The following ITPRID1 variants were observed in gnomAD, a reference collection of about 807,000 sequenced individuals.
ITPRID1 encodes the protein ITPR interacting domain containing 1.
In ITPRID1, 96 loss-of-function variants were observed where a neutral mutation model predicts 95.4. The ratio of observed to expected loss-of-function variants is 1.01; its 90% CI spans 0.85 to 1.19. The LOEUF is 1.19. ITPRID1 is among the 50% of genes most tolerant of loss of function. The probability of loss-of-function intolerance (pLI) is 0.00; values close to 1 mark genes in which losing one functional copy is unlikely to be tolerated. For missense variants in ITPRID1, 1,339 were observed against 1,252.9 expected (o/e 1.07, Z -1.04); for synonymous variants, 510 against 453.6 (o/e 1.12, Z -1.58).
chr7:31,590,362 G>C (rs1275658482), intron 10 of ITPRID1, among the ~76,000 whole-genome samples: 1 of 152,114 alleles, frequency 6.6e-6, no homozygotes, highest in Non-Finnish European at 1.5e-5. Flanking sequence ...AGTGGGAAAA[G>C]AAAAAGAAAT....
rs10258907 is a variant in ITPRID1 at position 31,612,872 on chromosome 7, T to A, written c.1229-29304T>A. On this transcript the variant is annotated intron_variant, in intron 10 of 14. Coordinates refer to ENST00000615280, the MANE Select transcript of ITPRID1 (RefSeq NM_001257967.3). ...GTAGATCCACACGAATATGTCAGAG[T>A]TTTTCAAAGTCCACTATTAGCCAAG... Among the ~76,000 whole-genome samples the A allele has an allele frequency of 8.3e-3, 1,263 of 151,868 alleles. 14 individuals are homozygous for A. The highest frequency in any genetic ancestry group is 0.021 in the African/African-American group (881 of 41,414).
At chr7:31,567,941 C>T (rs960789678) in intron 5 of ITPRID1, among the ~76,000 whole-genome samples, 1 of 152,086 alleles carries the variant, frequency 6.6e-6, no homozygotes, top group African/African-American at 2.4e-5. Flanking sequence ...GCCTGGCTAA[C>T]ATGGTGAAAC....
At chr7:31,627,423 C>T (rs569164154) in intron 10 of ITPRID1, among the ~76,000 whole-genome samples, 28 of 152,120 alleles carry the variant, frequency 1.8e-4, no homozygotes, top group Admixed American at 1.6e-3. Flanking sequence ...TTTGGGAGGT[C>T]AAGGCAGGAG....
intron 1 of ITPRID1, among the ~76,000 whole-genome samples, chr7:31,532,619 C>T (rs570492687): frequency 2.0e-5 from 3 of 152,244 alleles, no homozygotes; most frequent in South Asian, 4.1e-4. Flanking sequence ...TGGTTTTTCT[C>T]CTTTATTCTG....
intron 2 of ITPRID1, among the ~76,000 whole-genome samples, 197 bp downstream of exon 2, chr7:31,549,696 A>G (rs956452929): frequency 6.6e-6 from 1 of 152,162 alleles, no homozygotes; most frequent in Non-Finnish European, 1.5e-5. Flanking sequence ...TAACCAGACA[A>G]GAACTAAGAA....
At chr7:31,611,118 T>A (rs1023798305) in intron 10 of ITPRID1, among the ~76,000 whole-genome samples, 1 of 151,574 alleles carries the variant, frequency 6.6e-6, no homozygotes, top group Non-Finnish European at 1.5e-5. Flanking sequence ...TTTATTATAT[T>A]TTTTAAGTTA....
chr7:31,606,302 C>T (rs943568209), intron 10 of ITPRID1, among the ~76,000 whole-genome samples: 4 of 152,028 alleles, frequency 2.6e-5, no homozygotes, highest in Non-Finnish European at 5.9e-5. Context: ...GTGTGTAGGA[C>T]CTGACACCAC....
At chr7:31,537,280 G>C (rs1363675617) in intron 1 of ITPRID1, among the ~76,000 whole-genome samples, 2 of 152,042 alleles carry the variant, frequency 1.3e-5, no homozygotes, top group Non-Finnish European at 2.9e-5. Context: ...GACCCATAGG[G>C]GTTCTAAAGT....
chr7:31,619,956 T>C (rs990237904), intron 10 of ITPRID1, among the ~76,000 whole-genome samples: 23 of 152,274 alleles, frequency 1.5e-4, no homozygotes, highest in Admixed American at 4.6e-4. Flanking sequence ...GGAGACTATA[T>C]CCCGCACCTG....
At position 31,626,322 on chromosome 7, in the gene ITPRID1, A is replaced by C. The variant is rs547424135; in HGVS notation, c.1229-15854A>C. On this transcript the variant is annotated intron_variant, in intron 10 of 14. Transcript: ENST00000615280. ...CTGCATAACTCCTTTTGAAGAGTTC[A>C]TTGGTAAAAAGTCACCTAGTGACCA... Among the ~76,000 whole-genome samples the C allele has an allele frequency of 7.2e-5, 11 of 152,342 alleles. No individual in the cohort carries two copies. In the East Asian group the frequency reaches 1.9e-3, roughly 27 times the overall value.
At chr7:31,583,904 A>C (rs1157969335) in intron 10 of ITPRID1, among the ~76,000 whole-genome samples, 1 of 152,148 alleles carries the variant, frequency 6.6e-6, no homozygotes, top group East Asian at 1.9e-4. Context: ...GAAATGAAGA[A>C]ATAAGTGCAG....
intron 1 of ITPRID1, among the ~76,000 whole-genome samples, chr7:31,542,775 A>G (rs2128133438): frequency 6.6e-6 from 1 of 152,216 alleles, no homozygotes; most frequent in East Asian, 1.9e-4. Context: ...TTTGACAGAG[A>G]TAAGTATGGA....
intron 10 of ITPRID1, among the ~76,000 whole-genome samples, chr7:31,615,990 G>A (rs549607551): frequency 1.3e-5 from 2 of 152,026 alleles, no homozygotes; most frequent in African/African-American, 2.4e-5. Flanking sequence ...TGATCTGCCC[G>A]CCTCAGCCTC....
chr7:31,560,906 A>C (rs1784601750), intron 5 of ITPRID1, among the ~76,000 whole-genome samples: 2 of 152,174 alleles, frequency 1.3e-5, no homozygotes, highest in Admixed American at 1.3e-4. Context: ...AAGACGGAAG[A>C]CCACACAAGT....
intron 9 of ITPRID1, among the ~76,000 whole-genome samples, chr7:31,580,161 G>A (rs1159227514): frequency 6.6e-6 from 1 of 151,888 alleles, no homozygotes; most frequent in East Asian, 1.9e-4. Flanking sequence ...AGCTCGGTGT[G>A]GTGGAGGGTG....
At chr7:31,529,086 T>G (rs189564436) in intron 1 of ITPRID1, among the ~76,000 whole-genome samples, 2 of 152,324 alleles carry the variant, frequency 1.3e-5, no homozygotes, top group African/African-American at 2.4e-5. Flanking sequence ...TCATAGATAG[T>G]GAAATTCTAT....
chr7:31,517,288 A>T (rs1197823023), intron 1 of ITPRID1: 2 of 152,188 alleles, frequency 1.3e-5, no homozygotes, highest in African/African-American at 4.8e-5. Context: ...CAGAGAGCTG[A>T]TTGGTCTGTT....
chr7:31,550,721 CT>C (rs1210171995), intron 2 of ITPRID1, among the ~76,000 whole-genome samples: 1 of 103,092 alleles, frequency 9.7e-6, no homozygotes, highest in Non-Finnish European at 2.4e-5. Context: ...TTCCCATTTT[CT>C]TTGGCAAGCC....
rs1562598747 is a variant in ITPRID1, at chr7:31,599,635, TTCTTTCTTTCTTTTTCTTTCTTTCCTTTC to T, written c.1228+16448_1228+16476del. ...TTTCTTTCTTTCTTTCTTTCTTTCT[TTCTTTCTTTCTTTTTCTTTCTTTCCTTTC>T]TCTCTCTCTCTCTCTCTCTCTCTCT... On this transcript the variant is annotated intron_variant, in intron 10 of 14. Transcript: ENST00000615280. Among the ~76,000 whole-genome samples the T allele has an allele frequency of 7.6e-3, 481 of 63,334 alleles. 15 individuals carry two copies. The highest frequency in any genetic ancestry group is 0.034 in the Middle Eastern group (5 of 148). 41.5% of individuals were successfully genotyped at this position (63,334 alleles called of 152,430 possible).
Sources: allele counts gnomAD v4.1 joint callset (sites outside exome capture counted in the v4.1 genomes callset), GRCh38; gene constraint gnomAD v4.1.1; transcripts MANE v1.5; gene names NCBI Gene and HGNC (gene_info 2026-07-23, HGNC 2026-07-21).